The following RPA1 variants were observed in gnomAD, a reference collection of about 807,000 sequenced individuals.
RPA1 encodes replication protein A 70 kDa DNA-binding subunit.
In RPA1, 49 loss-of-function variants were observed where a neutral mutation model predicts 83.0. The ratio of observed to expected loss-of-function variants is 0.59; its 90% CI spans 0.47 to 0.75. The LOEUF is 0.75. RPA1 is among the 30% of genes least tolerant of loss of function. RPA1 has a pLI of 0.00. For synonymous variants in RPA1, 279 were observed against 281.8 expected, an observed-to-expected ratio of 0.99 and a Z score of 0.10; for missense variants, 693 against 776.1, an observed-to-expected ratio of 0.89 and a Z score of 1.27.
chr17:1,878,322 G>GA (rs1285078927), intron 8 of RPA1, among the ~76,000 whole-genome samples: 2 of 152,186 alleles, frequency 1.3e-5, no homozygotes, highest in Admixed American at 6.5e-5. Context: ...CAAATAGGGA[G>GA]AAAAAAATAG....
intron 4 of RPA1, 113 bp downstream of exon 4, chr17:1,844,799 A>G (rs1912196411): frequency 1.4e-6 from 1 of 700,960 alleles, no homozygotes; most frequent in Middle Eastern, 2.9e-4. Flanking sequence ...TCAGTTAAGA[A>G]CTCAGGTAGC....
At position 1,875,647 on chromosome 17, in the gene RPA1, G is replaced by A. The variant is rs200275072; in HGVS notation, c.455-14G>A. 3.2e-4 allele frequency: 521 copies of A among 1,604,946 alleles called. No homozygotes were observed. The highest frequency in any genetic ancestry group is 1.3e-3 in the East Asian group (58 of 44,664). Reference sequence around the variant, plus strand: ...ATAGTAATAACTCCTTTTCGTTTGCGTTTGTTTTTAAAGGTTCTACTGTTT... The same window carrying A: ...ATAGTAATAACTCCTTTTCGTTTGCATTTGTTTTTAAAGGTTCTACTGTTT... On this transcript the variant is annotated splice_polypyrimidine_tract_variant and intron_variant, in intron 6 of 16. Coordinates refer to ENST00000254719, the MANE Select transcript of RPA1 (RefSeq NM_002945.5).
chr17:1,871,528 C>A (rs919141267), intron 5 of RPA1, among the ~76,000 whole-genome samples: 3 of 152,162 alleles, frequency 2.0e-5, no homozygotes, highest in Non-Finnish European at 1.5e-5. Context: ...TTTTGAGTTG[C>A]CTTTGTGTGC....
At chr17:1,842,717 A>G (rs1912099741) in intron 1 of RPA1, 86 bp from the exon 2 acceptor site, 2 of 1,176,892 alleles carry the variant, frequency 1.7e-6, no homozygotes, top group Admixed American at 1.8e-5. Context: ...TCTTATCTAT[A>G]TATTCCAAAT....
intron 5 of RPA1, among the ~76,000 whole-genome samples, chr17:1,856,134 C>T (rs1487822247): frequency 1.3e-5 from 2 of 151,864 alleles, no homozygotes; most frequent in Admixed American, 6.6e-5. Context: ...GACCAGCCTG[C>T]GCAACATGAT....
intron 5 of RPA1, among the ~76,000 whole-genome samples, chr17:1,870,799 A>T (rs1194106683): frequency 6.6e-6 from 1 of 152,256 alleles, no homozygotes; most frequent in African/African-American, 2.4e-5. Flanking sequence ...ATATGATCTC[A>T]GCAGGGGATT....
At chr17:1,868,498 C>T (rs1011401803) in intron 5 of RPA1, among the ~76,000 whole-genome samples, 6 of 152,142 alleles carry the variant, frequency 3.9e-5, no homozygotes, top group South Asian at 2.1e-4. Context: ...TGGCGGGGCA[C>T]GGTGGCTCAC....
At chr17:1,830,754 C>T (rs957125206) in intron 1 of RPA1, 2 of 139,788 alleles carry the variant, frequency 1.4e-5, no homozygotes, top group African/African-American at 5.4e-5. Flanking sequence ...GCCCTCTTGA[C>T]TCCCGAGGCA....
At chr17:1,841,461 G>A (rs931981758) in intron 1 of RPA1, among the ~76,000 whole-genome samples, 2 of 151,970 alleles carry the variant, frequency 1.3e-5, no homozygotes, top group East Asian at 1.9e-4. Flanking sequence ...GCGCCACCAC[G>A]CCCAGCTAAT....
In RPA1 at chr17:1,898,156, G is replaced by A. The variant is rs978857061; in HGVS notation, c.*981G>A. On this transcript the variant is annotated 3_prime_UTR_variant, in exon 17 of 17. Transcript: ENST00000254719. ...TAATAAATGTTCACTTGGGGGGGATGTTAACTCATTATAAACCCGAAGATT... is the reference window on the plus strand; with the variant it reads ...TAATAAATGTTCACTTGGGGGGGATATTAACTCATTATAAACCCGAAGATT... 7.2e-5 allele frequency: 11 copies of A among 152,190 alleles called. No homozygotes were observed. The highest frequency in any genetic ancestry group is 2.7e-4 in the African/African-American group (11 of 41,436). 9.4% of individuals were successfully genotyped at this position (152,190 alleles called of 1,614,324 possible). A position where few individuals can be genotyped will look rare whatever the true frequency, so the allele number is the denominator to read the frequency against.
Position 1,853,178 on chromosome 17 carries a change from C to T in RPA1, c.350C>T (p.Pro117Leu). ...AVGVKIGNPV[P>L]YNEGLGQPQV... The stretch of plus-strand genomic sequence containing the variant: ...GGAGTGAAGATTGGCAATCCAGTGC[C>T]CTATAATGAAGGTAAAATGCTTTGG... The change falls in exon 5 of 17, where the codon CCC becomes CTC. Residue 117 changes from proline (P) to leucine (L), a missense_variant. Physicochemically the swap from Pro to Leu is moderately conservative, Grantham distance 98. Coordinates refer to ENST00000254719, the MANE Select transcript of RPA1 (RefSeq NM_002945.5). 1 of 1,613,668 alleles carries T rather than the reference C, an allele frequency of 6.2e-7. No homozygotes were observed.
rs572922444 is a variant in RPA1, at chr17:1,879,366, G to A, written c.911G>A (p.Gly304Glu). ...CCTACGGTTCAGTTTGATTTCACGGGGATTGATGACCTCGAGAACAAGTCG... is the reference window on the plus strand; with the variant it reads ...CCTACGGTTCAGTTTGATTTCACGGAGATTGATGACCTCGAGAACAAGTCG... The part of the protein sequence containing the change: ...HLPTVQFDFT[G>E]IDDLENKSKD... The change falls in exon 10 of 17, where the codon GGG (glycine) becomes GAG (glutamate). Residue 304 changes from glycine (G) to glutamate (E), a missense_variant. Coordinates refer to ENST00000254719, the MANE Select transcript of RPA1 (RefSeq NM_002945.5). 5.3e-5 allele frequency: 85 copies of A among 1,614,174 alleles called. 1 individual carries two copies. The South Asian group carries it at 8.9e-4, about 17-fold the overall frequency.
intron 5 of RPA1, among the ~76,000 whole-genome samples, chr17:1,855,934 GAATTT>G (rs1912676280): frequency 6.6e-6 from 1 of 151,976 alleles, no homozygotes; most frequent in Admixed American, 6.6e-5. Context: ...GTGCTTCAAG[GAATTT>G]AATTTCATTT....
chr17:1,833,295 A>G (rs73284304), intron 1 of RPA1, among the ~76,000 whole-genome samples: 1,958 of 152,288 alleles, frequency 0.013, 55 homozygotes, highest in African/African-American at 0.043. Flanking sequence ...TGTATCCCCA[A>G]TACCTGGAGA....
chr17:1,865,354 TGTGA>T (rs1276708120), intron 5 of RPA1, among the ~76,000 whole-genome samples: 5 of 152,212 alleles, frequency 3.3e-5, no homozygotes, highest in African/African-American at 1.2e-4. Flanking sequence ...ACATAGATCG[TGTGA>T]GTGAGTCTAC....
chr17:1,894,985 C>A, intron 15 of RPA1, 24 bp from the exon 16 acceptor site: 2 of 1,601,490 alleles, frequency 1.2e-6, no homozygotes, highest in South Asian at 2.2e-5. Flanking sequence ...TTCCATGTGT[C>A]AAGTTTTATG....
rs113442925 is a variant in RPA1, at chr17:1,872,946, G to T, written c.454+420G>T. 1.1e-4 allele frequency among the ~76,000 whole-genome samples: 17 copies of T among 152,226 alleles called. 1 individual carries two copies. Among genetic ancestry groups the T allele is most frequent in the Admixed American group, 5.2e-4 (8 of 15,280 alleles). The stretch of plus-strand genomic sequence containing the variant: ...CGTCCTTGGCCTCCCAAAGTGCTGG[G>T]ATTATAAGTGTGAGCCAGGGTGTCC... On this transcript the variant is annotated intron_variant, in intron 6 of 16. Coordinates refer to ENST00000254719, the MANE Select transcript of RPA1 (RefSeq NM_002945.5).
intron 14 of RPA1, among the ~76,000 whole-genome samples, chr17:1,889,871 G>A (rs1451597192): frequency 2.0e-5 from 3 of 151,828 alleles, no homozygotes; most frequent in Non-Finnish European, 4.4e-5. Flanking sequence ...GTGGTGGCGG[G>A]TGCCTGTAGT....
At chr17:1,883,360 A>T (rs2151288816) in intron 12 of RPA1, among the ~76,000 whole-genome samples, 1 of 152,052 alleles carries the variant, frequency 6.6e-6, no homozygotes, top group South Asian at 2.1e-4. Context: ...ACGGGGTTTC[A>T]CCATGTTGGC....
Sources: gnomAD v4.1 joint callset for allele counts (sites outside exome capture counted in the v4.1 genomes callset) on GRCh38, gnomAD v4.1.1 for gene constraint, MANE v1.5 for transcripts, NCBI Gene and HGNC (gene_info 2026-07-23, HGNC 2026-07-21) for gene names.